Variants in CENPW observed in about 807,000 individuals in gnomAD.
CENPW encodes the protein cancer-up-regulated gene 2 protein.
CENPW carries 3 observed loss-of-function variants against 11.1 expected under a neutral mutation model. The observed-to-expected ratio is 0.27, with a 90% CI of 0.12 to 0.70. The LOEUF (loss-of-function observed/expected upper bound fraction) is 0.70. CENPW is among the 30% of genes least tolerant of loss of function. The probability of loss-of-function intolerance (pLI) is 0.77; values close to 1 mark genes in which losing one functional copy is unlikely to be tolerated. For missense variants in CENPW, 100 were observed against 105.6 expected, an observed-to-expected ratio of 0.95 and a Z score of 0.23; for synonymous variants, 38 against 42.0, an observed-to-expected ratio of 0.91 and a Z score of 0.37.
At chr6:126,441,780 C>T in the CENPW span, among the ~76,000 whole-genome samples, 4 of 151,556 alleles carry the variant, frequency 2.6e-5, no homozygotes, top group Non-Finnish European at 5.9e-5. Flanking sequence ...TGAATGCTAT[C>T]ATTTCGTTCC....
chr6:126,361,666 C>T, the CENPW span, among the ~76,000 whole-genome samples: 6 of 152,136 alleles, frequency 3.9e-5, no homozygotes, highest in Non-Finnish European at 7.4e-5. Context: ...CAGGCCTGCT[C>T]CTGGGCATTT....
At chr6:126,413,129 C>T in the CENPW span, among the ~76,000 whole-genome samples, 1 of 151,924 alleles carries the variant, frequency 6.6e-6, no homozygotes, top group Non-Finnish European at 1.5e-5. Flanking sequence ...TTCTGGAATA[C>T]CTTTAAAAAT....
the CENPW span, among the ~76,000 whole-genome samples, chr6:126,400,369 C>A: frequency 5.5e-4 from 84 of 152,136 alleles, no homozygotes; most frequent in African/African-American, 1.9e-3. Flanking sequence ...TGCGAGTTCT[C>A]TATTCAAGTT....
At chr6:126,455,821 C>T in the CENPW span, among the ~76,000 whole-genome samples, 16 of 151,104 alleles carry the variant, frequency 1.1e-4, no homozygotes, top group African/African-American at 3.9e-4. Flanking sequence ...TAGAAAACCC[C>T]ATAGTTTCTG....
chr6:126,359,105 C>T, the CENPW span, among the ~76,000 whole-genome samples: 1 of 151,664 alleles, frequency 6.6e-6, no homozygotes, highest in African/African-American at 2.4e-5. Context: ...TAGCTGCATC[C>T]CAGAGATTTG....
At chr6:126,408,931 G>T in the CENPW span, among the ~76,000 whole-genome samples, 2 of 151,106 alleles carry the variant, frequency 1.3e-5, no homozygotes, top group Non-Finnish European at 3.0e-5. Flanking sequence ...TCATTTTCTT[G>T]ATCTTTTTTT....
the CENPW span, among the ~76,000 whole-genome samples, chr6:126,384,414 A>G: frequency 2.0e-5 from 3 of 152,104 alleles, no homozygotes; most frequent in Admixed American, 6.6e-5. Flanking sequence ...TCATGGTACT[A>G]TTACAAAAAC....
chr6:126,433,846 T>C, the CENPW span, among the ~76,000 whole-genome samples: 1 of 152,100 alleles, frequency 6.6e-6, no homozygotes, highest in African/African-American at 2.4e-5. Context: ...AAAATTTGCA[T>C]AGAGGATGAT....
the CENPW span, among the ~76,000 whole-genome samples, chr6:126,360,624 A>T: frequency 2.6e-5 from 4 of 151,934 alleles, no homozygotes; most frequent in South Asian, 8.3e-4. Flanking sequence ...TAATTTTTTT[A>T]AAAATTATTT....
At chr6:126,436,330 T>C in the CENPW span, among the ~76,000 whole-genome samples, 5 of 151,992 alleles carry the variant, frequency 3.3e-5, no homozygotes, top group South Asian at 1.0e-3. Context: ...ACCAGAGTTA[T>C]TTGTTTCCAG....
chr6:126,373,476 A>C, the CENPW span, among the ~76,000 whole-genome samples: 1 of 152,212 alleles, frequency 6.6e-6, no homozygotes, highest in African/African-American at 2.4e-5. Flanking sequence ...AAACTACTCT[A>C]AAACTTAATG....
chr6:126,350,340 C>T (rs1320081572), downstream of CENPW, among the ~76,000 whole-genome samples: 2 of 151,844 alleles, frequency 1.3e-5, no homozygotes, highest in African/African-American at 4.9e-5. Flanking sequence ...GATCATGGTG[C>T]CAGCACAGTC....
chr6:126,478,768 TCAC>T, the CENPW span, among the ~76,000 whole-genome samples: 3 of 152,028 alleles, frequency 2.0e-5, no homozygotes, highest in Non-Finnish European at 4.4e-5. Flanking sequence ...AAATGATGGC[TCAC>T]AGCTATGCTG....
the CENPW span, among the ~76,000 whole-genome samples, chr6:126,381,628 C>A: frequency 2.0e-5 from 3 of 152,180 alleles, no homozygotes; most frequent in African/African-American, 7.2e-5. Context: ...CCCTCTAGCA[C>A]CCTGCCGCCA....
At chr6:126,436,262 G>A in the CENPW span, among the ~76,000 whole-genome samples, 5,395 of 151,754 alleles carry the variant, frequency 0.036, 315 homozygotes, top group African/African-American at 0.12. Flanking sequence ...TTAGTCTGTG[G>A]TTTTGTAAAG....
the CENPW span, among the ~76,000 whole-genome samples, chr6:126,460,137 A>G: frequency 6.6e-6 from 1 of 151,784 alleles, no homozygotes; most frequent in African/African-American, 2.4e-5. Flanking sequence ...TTCATTATTT[A>G]TCTTGAAAGT....
the CENPW span, among the ~76,000 whole-genome samples, chr6:126,414,761 A>T: frequency 6.6e-6 from 1 of 151,886 alleles, no homozygotes; most frequent in African/African-American, 2.4e-5. Context: ...AGTAGAGAAA[A>T]ATAAATATTA....
chr6:126,412,395 C>T, the CENPW span, among the ~76,000 whole-genome samples: 1 of 152,010 alleles, frequency 6.6e-6, no homozygotes, highest in African/African-American at 2.4e-5. Context: ...TTCTGGCCTC[C>T]TTGTATCTGA....
At chr6:126,425,771 T>C in the CENPW span, among the ~76,000 whole-genome samples, 1 of 151,724 alleles carries the variant, frequency 6.6e-6, no homozygotes, top group African/African-American at 2.4e-5. Flanking sequence ...GTCTTATTTC[T>C]ATAAAAGTTT....
Sources: allele counts gnomAD v4.1 joint callset (sites outside exome capture counted in the v4.1 genomes callset), GRCh38; gene constraint gnomAD v4.1.1; transcripts MANE v1.5; gene names NCBI Gene and HGNC (gene_info 2026-07-23, HGNC 2026-07-21).